FSTL5: variants seen among roughly 807,000 people sequenced by gnomAD.
FSTL5 encodes the protein follistatin-related protein 5.
Under a neutral mutation model 89.1 loss-of-function variants are expected in FSTL5, and 62 were observed. The observed-to-expected ratio is 0.70, with a 90% CI of 0.57 to 0.86. The LOEUF (loss-of-function observed/expected upper bound fraction) is 0.86, where lower values mean the gene tolerates loss of function less well. Among genes scored for constraint, FSTL5 ranks in the 40% least tolerant of loss-of-function variants. The pLI is 0.00. For synonymous variants in FSTL5, 383 were observed against 346.2 expected (o/e 1.11, Z -1.18); for missense variants, 1,057 against 1,001.6 (o/e 1.06, Z -0.75).
rs370376555 is a variant in FSTL5, at chr4:161,776,086, G to T, written c.410-12C>A. On this transcript the variant is annotated splice_polypyrimidine_tract_variant and intron_variant, in intron 4 of 15. Coordinates refer to ENST00000306100, the MANE Select transcript of FSTL5 (RefSeq NM_020116.5). ...CTTGCACTTATCTCCTGTAACAAAA[G>T]AACTAGTTATTTTCAAGCAATATTA... 1.5e-5 allele frequency: 20 copies of T among 1,327,572 alleles called. No individual in the cohort carries two copies. The highest frequency in any genetic ancestry group is 6.1e-5 in the African/African-American group (4 of 65,946). 82.2% of individuals were successfully genotyped at this position (1,327,572 alleles called of 1,614,324 possible).
chr4:161,781,459 C>G (rs1319541843), intron 4 of FSTL5, among the ~76,000 whole-genome samples: 1 of 152,026 alleles, frequency 6.6e-6, no homozygotes, highest in Non-Finnish European at 1.5e-5. Flanking sequence ...AGTAAGCTTA[C>G]TATGTTTCAG....
intron 15 of FSTL5, among the ~76,000 whole-genome samples, chr4:161,396,329 A>G (rs1730997196): frequency 6.6e-6 from 1 of 151,992 alleles, no homozygotes; most frequent in Non-Finnish European, 1.5e-5. Flanking sequence ...TTTCTTTAAA[A>G]TGTAGGATTG....
intron 4 of FSTL5, among the ~76,000 whole-genome samples, chr4:161,791,948 A>C (rs1465684354): frequency 6.6e-6 from 1 of 152,198 alleles, no homozygotes; most frequent in Non-Finnish European, 1.5e-5. Context: ...GGAGCTGGGA[A>C]CAGGCAGGAA....
At chr4:161,454,625 A>G (rs1038901802) in intron 15 of FSTL5, among the ~76,000 whole-genome samples, 3 of 152,188 alleles carry the variant, frequency 2.0e-5, no homozygotes, top group African/African-American at 7.2e-5. Flanking sequence ...ACCAAGTTTC[A>G]GTTAACATTC....
intron 4 of FSTL5, among the ~76,000 whole-genome samples, chr4:161,919,568 C>T (rs894512065): frequency 3.4e-4 from 51 of 152,152 alleles, no homozygotes; most frequent in African/African-American, 1.2e-3. Context: ...AGTGTAAATA[C>T]GTTTCAGAAA....
At chr4:162,141,316 C>T (rs1327844477) in intron 1 of FSTL5, among the ~76,000 whole-genome samples, 2 of 78,962 alleles carry the variant, frequency 2.5e-5, no homozygotes, top group African/African-American at 8.3e-5. Context: ...GGGGTTTCAC[C>T]ATGTTAGCCA....
intron 6 of FSTL5, among the ~76,000 whole-genome samples, chr4:161,742,111 A>T (rs1208910050): frequency 2.0e-5 from 3 of 151,194 alleles, no homozygotes; most frequent in Admixed American, 6.6e-5. Flanking sequence ...GTTTGTGAGT[A>T]AAAAAAAAGA....
At chr4:161,855,510 C>T (rs1731694201) in intron 4 of FSTL5, among the ~76,000 whole-genome samples, 1 of 151,940 alleles carries the variant, frequency 6.6e-6, no homozygotes, top group Admixed American at 6.6e-5. Context: ...CAGAAATTTG[C>T]TATTAAGTAT....
intron 3 of FSTL5, among the ~76,000 whole-genome samples, chr4:162,021,762 T>C (rs1737092984): frequency 6.6e-6 from 1 of 151,964 alleles, no homozygotes; most frequent in African/African-American, 2.4e-5. Flanking sequence ...TAATAGACAT[T>C]GGAGATTTTG....
Position 161,481,044 on chromosome 4 carries a change from A to G in FSTL5, c.1584T>C (p.Asp528=). The G allele has an allele frequency of 6.2e-7, 1 of 1,611,766 alleles. No individual in the cohort carries two copies. The highest frequency in any genetic ancestry group is 8.5e-7 in the Non-Finnish European group (1 of 1,178,980). The change falls in exon 13 of 16, where the codon GAT becomes GAC. Residue 528 remains aspartate (D), a synonymous_variant. Transcript: ENST00000306100. ...QPTLDRVLIV[D]VQSQKVVQAV... ...CCTGAACAACTTTTTGGGACTGCAC[A>G]TCAACAATAAGGACTCTGTCCAAAG...
intron 15 of FSTL5, among the ~76,000 whole-genome samples, chr4:161,440,425 A>G (rs1368815543): frequency 6.6e-6 from 1 of 152,112 alleles, no homozygotes; most frequent in African/African-American, 2.4e-5. Context: ...AAAAGAAAAA[A>G]AAAAGGTCTG....
intron 7 of FSTL5, among the ~76,000 whole-genome samples, chr4:161,590,216 T>C (rs181089173): frequency 2.0e-5 from 3 of 152,174 alleles, no homozygotes; most frequent in Admixed American, 6.6e-5. Flanking sequence ...CTATTCAGAA[T>C]ACATAAAGAG....
chr4:161,737,303 C>T (rs1215564757), intron 6 of FSTL5, among the ~76,000 whole-genome samples: 1 of 151,912 alleles, frequency 6.6e-6, no homozygotes, highest in Non-Finnish European at 1.5e-5. Flanking sequence ...AAACCTGACC[C>T]ACAGTCAACC....
intron 1 of FSTL5, among the ~76,000 whole-genome samples, chr4:162,127,776 A>G (rs1406145135): frequency 6.6e-6 from 1 of 152,186 alleles, no homozygotes; most frequent in Non-Finnish European, 1.5e-5. Flanking sequence ...TCTGAATGAG[A>G]TCTTTTATAA....
intron 5 of FSTL5, among the ~76,000 whole-genome samples, chr4:161,773,397 G>C (rs774058432): frequency 2.0e-5 from 3 of 152,106 alleles, no homozygotes; most frequent in Non-Finnish European, 2.9e-5. Flanking sequence ...AATCAACAGA[G>C]TAAACAGACA....
intron 1 of FSTL5, among the ~76,000 whole-genome samples, chr4:162,143,748 A>ACACACACACAC (rs1363446909): frequency 0.021 from 2,680 of 127,698 alleles, 54 homozygotes; most frequent in Non-Finnish European, 0.029. Flanking sequence ...ACACACACAC[A>ACACACACACAC]CCCAGGAAAA....
intron 9 of FSTL5, among the ~76,000 whole-genome samples, chr4:161,540,907 C>T (rs1731795903): frequency 6.6e-6 from 1 of 152,024 alleles, no homozygotes; most frequent in Admixed American, 6.6e-5. Flanking sequence ...TTTTAACTTT[C>T]TCTTCTTCCA....
chr4:161,714,415 A>T (rs1275771813), intron 6 of FSTL5, among the ~76,000 whole-genome samples: 1 of 152,032 alleles, frequency 6.6e-6, no homozygotes, highest in East Asian at 1.9e-4. Flanking sequence ...ATATACAGAC[A>T]TAAAACATTC....
At chr4:161,863,978 C>T (rs972423723) in intron 4 of FSTL5, among the ~76,000 whole-genome samples, 4 of 152,138 alleles carry the variant, frequency 2.6e-5, no homozygotes, top group African/African-American at 9.7e-5. Context: ...TTTTTGTTGA[C>T]ATTTGTTATA....
Sources: gnomAD v4.1 joint callset for allele counts (sites outside exome capture counted in the v4.1 genomes callset) on GRCh38, gnomAD v4.1.1 for gene constraint, MANE v1.5 for transcripts, NCBI Gene and HGNC (gene_info 2026-07-23, HGNC 2026-07-21) for gene names.